Variants in NRG1 observed in about 807,000 individuals in gnomAD.
The protein encoded by NRG1 is neuregulin 1.
A neutral mutation model predicts 63.8 loss-of-function variants in NRG1; 18 were observed. The observed-to-expected ratio is 0.28, with a 90% CI of 0.19 to 0.42. The LOEUF (loss-of-function observed/expected upper bound fraction) is 0.42. NRG1 is among the 10% of genes least tolerant of loss of function. The probability of loss-of-function intolerance (pLI) is 1.00; values close to 1 mark genes in which losing one functional copy is unlikely to be tolerated. For synonymous variants in NRG1, 302 were observed against 301.3 expected, an observed-to-expected ratio of 1.00 and a Z score of -0.02; for missense variants, 762 against 814.7, an observed-to-expected ratio of 0.94 and a Z score of 0.79.
chr8:32,548,853 C>T (rs953459679), intron 1 of NRG1, 27 bp downstream of exon 1: 2 of 1,538,992 alleles, frequency 1.3e-6, no homozygotes, highest in Admixed American at 2.0e-5. Flanking sequence ...GCCCGGGCCC[C>T]ACGATCCTCC....
intron 1 of NRG1, among the ~76,000 whole-genome samples, chr8:32,291,925 G>C (rs1441519982): frequency 6.6e-6 from 1 of 152,112 alleles, no homozygotes; most frequent in Non-Finnish European, 1.5e-5. Context: ...TAAAGGCTTG[G>C]TACCAGCACC....
At chr8:32,153,111 C>T (rs1342214399) in intron 1 of NRG1, among the ~76,000 whole-genome samples, 1 of 152,102 alleles carries the variant, frequency 6.6e-6, no homozygotes, top group Non-Finnish European at 1.5e-5. Context: ...GCAGAATCTA[C>T]AGTGGGGCCA....
At chr8:32,346,136 A>G (rs1804863060) in intron 1 of NRG1, among the ~76,000 whole-genome samples, 1 of 147,414 alleles carries the variant, frequency 6.8e-6, no homozygotes, top group Admixed American at 6.8e-5. Flanking sequence ...TATATAAATT[A>G]TATACCTATA....
At chr8:31,657,388 C>A (rs1281049251) in intron 1 of NRG1, among the ~76,000 whole-genome samples, 1 of 152,156 alleles carries the variant, frequency 6.6e-6, no homozygotes, top group Admixed American at 6.5e-5. Context: ...CTCTAGTTGA[C>A]CATGGAGAAC....
intron 1 of NRG1, among the ~76,000 whole-genome samples, chr8:32,234,488 C>G (rs571228684): frequency 1.1e-4 from 16 of 152,172 alleles, no homozygotes; most frequent in Non-Finnish European, 2.1e-4. Context: ...TAAGAAGTTA[C>G]TTGTCCAATA....
At chr8:32,064,371 C>A (rs1824398918) in intron 1 of NRG1, among the ~76,000 whole-genome samples, 1 of 152,110 alleles carries the variant, frequency 6.6e-6, no homozygotes, top group Non-Finnish European at 1.5e-5. Context: ...TTTCAGGTTT[C>A]ATTTGGCTGT....
intron 1 of NRG1, among the ~76,000 whole-genome samples, chr8:32,023,048 T>C (rs1401434377): frequency 6.6e-6 from 1 of 152,270 alleles, no homozygotes; most frequent in Non-Finnish European, 1.5e-5. Context: ...AACATATTTA[T>C]GTGCATATAT....
At chr8:32,261,358 AGTGTGTGTGT>A (rs3055547) in intron 1 of NRG1, among the ~76,000 whole-genome samples, 1 of 148,364 alleles carries the variant, frequency 6.7e-6, no homozygotes, top group Admixed American at 6.8e-5. Flanking sequence ...TGCTCCTATT[AGTGTGTGTGT>A]GTGTGTGTGT....
In NRG1 at chr8:32,024,503, A is replaced by G. The variant is rs537813347; in HGVS notation, c.37+385072A>G. 1.1e-4 allele frequency among the ~76,000 whole-genome samples: 17 copies of G among 152,338 alleles called. No homozygotes were observed. The South Asian group carries it at 3.5e-3, about 32-fold the overall frequency. The stretch of plus-strand genomic sequence containing the variant: ...TTATCGTGAGTGGAACTAATATTAC[A>G]TAACACTATGTATATTTTGGAAGAT... On this transcript the variant is annotated intron_variant, in intron 1 of 10. Coordinates refer to the NRG1 transcript ENST00000519301.
chr8:32,430,665 A>C lies in NRG1; in HGVS notation c.38-165163A>C, dbSNP rs117901288. Among the ~76,000 whole-genome samples, 7 of 152,316 alleles carry C rather than the reference A, an allele frequency of 4.6e-5. No individual in the cohort carries two copies. In the East Asian group the frequency reaches 1.2e-3, roughly 25 times the overall value. ...TTTCCTTTTGTCTAAATGATGATTA[A>C]ATGGTGAAGCAGCTACAGAAGTATT... On this transcript the variant is annotated intron_variant, in intron 1 of 10. Transcript: ENST00000519301.
At chr8:32,596,170 A>G (rs192151677) in intron 2 of NRG1, among the ~76,000 whole-genome samples, 165 bp downstream of exon 2, 2 of 152,322 alleles carry the variant, frequency 1.3e-5, no homozygotes, top group Admixed American at 6.5e-5. Context: ...CACATAGGCA[A>G]GAATTCTTGT....
chr8:32,463,258 G>A (rs1420708154), intron 1 of NRG1, among the ~76,000 whole-genome samples: 4 of 152,080 alleles, frequency 2.6e-5, no homozygotes, highest in Non-Finnish European at 5.9e-5. Flanking sequence ...TGCAATGAAC[G>A]TCAAAGTGCA....
At chr8:31,931,062 C>T (rs1219444522) in intron 1 of NRG1, among the ~76,000 whole-genome samples, 1 of 152,116 alleles carries the variant, frequency 6.6e-6, no homozygotes, top group African/African-American at 2.4e-5. Flanking sequence ...CAGATAGAGG[C>T]TATTTCCACC....
intron 1 of NRG1, among the ~76,000 whole-genome samples, chr8:32,034,508 G>A (rs1044486800): frequency 1.3e-5 from 2 of 152,096 alleles, no homozygotes; most frequent in Admixed American, 6.5e-5. Context: ...GTTTGGAATA[G>A]TTTCAGAAGA....
intron 7 of NRG1, among the ~76,000 whole-genome samples, chr8:32,753,009 G>A (rs993241249): frequency 6.6e-6 from 1 of 152,154 alleles, no homozygotes; most frequent in African/African-American, 2.4e-5. Context: ...CCTGCAAGCT[G>A]CCCTCTCTCA....
intron 1 of NRG1, among the ~76,000 whole-genome samples, chr8:32,121,538 T>C (rs985042640): frequency 4.6e-5 from 7 of 152,056 alleles, no homozygotes; most frequent in African/African-American, 1.7e-4. Context: ...AACTTTTGTG[T>C]TGAAAAATCA....
intron 5 of NRG1, among the ~76,000 whole-genome samples, chr8:32,656,987 A>G (rs1801651199): frequency 6.6e-6 from 1 of 152,114 alleles, no homozygotes; most frequent in Non-Finnish European, 1.5e-5. Flanking sequence ...GGAGAAATTC[A>G]TGAACTCTCT....
chr8:32,618,344 A>G (rs764480806), intron 5 of NRG1, among the ~76,000 whole-genome samples: 13 of 152,284 alleles, frequency 8.5e-5, no homozygotes, highest in Non-Finnish European at 1.5e-4. Flanking sequence ...TCATGCTATC[A>G]TCAATGGGAC....
chr8:31,653,783 TC>T (rs1227501756), intron 1 of NRG1, among the ~76,000 whole-genome samples: 1 of 152,232 alleles, frequency 6.6e-6, no homozygotes, highest in Admixed American at 6.5e-5. Flanking sequence ...ATGTCTTGTT[TC>T]ATTTGATATC....
Sources: allele counts gnomAD v4.1 joint callset (sites outside exome capture counted in the v4.1 genomes callset), GRCh38; gene constraint gnomAD v4.1.1; transcripts MANE v1.5; gene names NCBI Gene and HGNC (gene_info 2026-07-23, HGNC 2026-07-21).